Variants in RAP1GAP2 observed in about 807,000 individuals in gnomAD.
RAP1GAP2 encodes the protein rap1 GTPase-activating protein 2.
A neutral mutation model predicts 95.0 loss-of-function variants in RAP1GAP2; 27 were observed. That is an observed-to-expected ratio of 0.28 (90% CI 0.21 to 0.39). The LOEUF is 0.39. Ranked by LOEUF, RAP1GAP2 falls within the 10% of genes least tolerant of loss-of-function variation. RAP1GAP2 has a pLI of 1.00. For missense variants in RAP1GAP2, 771 were observed against 970.0 expected (o/e 0.79, Z 2.72); for synonymous variants, 373 against 380.9 (o/e 0.98, Z 0.24).
At position 3,036,247 on chromosome 17, in the gene RAP1GAP2, T is replaced by G. The variant is rs1296634348; in HGVS notation, c.*2886T>G. 6.6e-6 allele frequency: 1 copy of G among 152,202 alleles called. No homozygotes were observed. The highest frequency in any genetic ancestry group is 1.5e-5 in the Non-Finnish European group (1 of 68,038). The allele number at this position is 152,202 out of a possible 1,614,324, so 9.4% of individuals were successfully genotyped here. A position where few individuals can be genotyped will look rare whatever the true frequency, so the allele number is the denominator to read the frequency against. On this transcript the variant is annotated 3_prime_UTR_variant, in exon 25 of 25. Coordinates refer to ENST00000254695, the MANE Select transcript of RAP1GAP2 (RefSeq NM_015085.5). ...CTCTTTTTAGCATCTCATCCAACCA[T>G]GTCATCGTCCAGATGAGAAATCTTA...
At chr17:2,980,896 A>G (rs1228772482) in intron 9 of RAP1GAP2, among the ~76,000 whole-genome samples, 1 of 152,152 alleles carries the variant, frequency 6.6e-6, no homozygotes, top group Admixed American at 6.5e-5. Flanking sequence ...ATGTCACAGA[A>G]TTGTGCTGGA....
chr17:2,970,867 C>A (rs2044838674), intron 8 of RAP1GAP2, among the ~76,000 whole-genome samples: 1 of 151,790 alleles, frequency 6.6e-6, no homozygotes, highest in Admixed American at 6.6e-5. Context: ...CAGGGTGACC[C>A]CATCTCTTAA....
At chr17:2,989,992 T>C (rs1033259616) in intron 11 of RAP1GAP2, among the ~76,000 whole-genome samples, 3 of 152,210 alleles carry the variant, frequency 2.0e-5, no homozygotes, top group Non-Finnish European at 2.9e-5. Context: ...AATCATCATA[T>C]GTGGCCTTTT....
At chr17:2,894,618 G>C (rs1327732639) in intron 2 of RAP1GAP2, among the ~76,000 whole-genome samples, 1 of 152,206 alleles carries the variant, frequency 6.6e-6, no homozygotes, top group South Asian at 2.1e-4. Context: ...TCCAGAAAGA[G>C]AGCCTTATCA....
chr17:2,811,037 G>A (rs1162532489), intron 2 of RAP1GAP2, among the ~76,000 whole-genome samples: 3 of 152,120 alleles, frequency 2.0e-5, no homozygotes, highest in South Asian at 2.1e-4. Flanking sequence ...CCCTTGGCCC[G>A]CACGTCCCCA....
intron 2 of RAP1GAP2, chr17:2,854,000 C>T: frequency 1.0e-6 from 1 of 984,682 alleles, no homozygotes; most frequent in Non-Finnish European, 1.2e-6. Context: ...CTCGCCATGT[C>T]CCAGCCCGCG....
At chr17:2,922,985 T>A (rs895955818) in intron 3 of RAP1GAP2, among the ~76,000 whole-genome samples, 4 of 151,674 alleles carry the variant, frequency 2.6e-5, no homozygotes, top group Non-Finnish European at 4.4e-5. Flanking sequence ...CTCCAGCGAT[T>A]CTCCTGCCTC....
chr17:3,001,788 G>A (rs2046168649), intron 14 of RAP1GAP2, among the ~76,000 whole-genome samples: 1 of 152,252 alleles, frequency 6.6e-6, no homozygotes. Context: ...GAGGCCTCCT[G>A]TAGACGTTTA....
At chr17:2,967,583 A>G (rs2044670651) in intron 8 of RAP1GAP2, among the ~76,000 whole-genome samples, 1 of 152,128 alleles carries the variant, frequency 6.6e-6, no homozygotes, top group Admixed American at 6.6e-5. Context: ...GCAAGCTCAA[A>G]TGTGGCTCTC....
intron 2 of RAP1GAP2, among the ~76,000 whole-genome samples, chr17:2,813,593 C>T (rs1226604287): frequency 2.0e-5 from 3 of 152,276 alleles, no homozygotes; most frequent in South Asian, 4.1e-4. Flanking sequence ...CCATCCTGTG[C>T]GTTGTAGGGT....
At chr17:2,879,523 C>G (rs73312020) in intron 2 of RAP1GAP2, among the ~76,000 whole-genome samples, 18,056 of 149,340 alleles carry the variant, frequency 0.12, 1,433 homozygotes, top group African/African-American at 0.23. Flanking sequence ...ATCAGGAGTT[C>G]AAGACCAGCC....
intron 1 of RAP1GAP2, among the ~76,000 whole-genome samples, chr17:2,769,967 G>A (rs1023604222): frequency 1.3e-5 from 2 of 151,804 alleles, no homozygotes; most frequent in African/African-American, 2.4e-5. Flanking sequence ...CAGCTACCTG[G>A]GAGGCTGAGG....
At chr17:2,818,291 C>G (rs1047405446) in intron 2 of RAP1GAP2, among the ~76,000 whole-genome samples, 1 of 144,114 alleles carries the variant, frequency 6.9e-6, no homozygotes, top group African/African-American at 2.5e-5. Flanking sequence ...TCTCTCAGCC[C>G]ACTTTATTTA....
intron 2 of RAP1GAP2, among the ~76,000 whole-genome samples, chr17:2,804,258 C>T (rs1024611994): frequency 2.0e-5 from 3 of 152,206 alleles, no homozygotes; most frequent in Admixed American, 6.5e-5. Context: ...GCAGCTCTGA[C>T]GACAGGGGTC....
At chr17:2,971,021 C>G (rs1033242359) in intron 8 of RAP1GAP2, among the ~76,000 whole-genome samples, 1 of 152,266 alleles carries the variant, frequency 6.6e-6, no homozygotes. Flanking sequence ...GGTGACAGAA[C>G]AAGACCCTGT....
At chr17:2,934,976 G>T (rs1186121889) in intron 3 of RAP1GAP2, among the ~76,000 whole-genome samples, 1 of 152,156 alleles carries the variant, frequency 6.6e-6, no homozygotes. Flanking sequence ...AAAGCTTTAG[G>T]GAAGACGGGT....
At chr17:2,944,776 CATTT>C (rs1180184200) in intron 3 of RAP1GAP2, among the ~76,000 whole-genome samples, 3 of 152,078 alleles carry the variant, frequency 2.0e-5, no homozygotes. Context: ...AATGTCGTTC[CATTT>C]ATTTATGTCT....
intron 2 of RAP1GAP2, among the ~76,000 whole-genome samples, chr17:2,873,054 G>A (rs1480876377): frequency 6.6e-6 from 1 of 150,988 alleles, no homozygotes; most frequent in African/African-American, 2.4e-5. Flanking sequence ...AGTGAGCTGA[G>A]ATTGCGCCAC....
chr17:2,820,986 C>T (rs192712040), intron 2 of RAP1GAP2, among the ~76,000 whole-genome samples: 121 of 150,732 alleles, frequency 8.0e-4, no homozygotes, highest in African/African-American at 2.7e-3. Context: ...CTGCCTGCCT[C>T]GGCCTCCCAA....
Sources: allele counts gnomAD v4.1 joint callset (sites outside exome capture counted in the v4.1 genomes callset), GRCh38; gene constraint gnomAD v4.1.1; transcripts MANE v1.5; gene names NCBI Gene and HGNC (gene_info 2026-07-23, HGNC 2026-07-21).